PAK5: variants seen among roughly 807,000 people sequenced by gnomAD.
The protein encoded by PAK5 is serine/threonine-protein kinase PAK 5.
In PAK5, 16 loss-of-function variants were observed where a neutral mutation model predicts 65.9. That is an observed-to-expected ratio of 0.24 (90% CI 0.16 to 0.37). The LOEUF (loss-of-function observed/expected upper bound fraction) is 0.37, where lower values mean the gene tolerates loss of function less well. Among genes scored for constraint, PAK5 ranks in the 10% least tolerant of loss-of-function variants. The probability of loss-of-function intolerance (pLI) is 1.00; values close to 1 mark genes in which losing one functional copy is unlikely to be tolerated. For synonymous variants in PAK5, 371 were observed against 354.9 expected (o/e 1.05, Z -0.51); for missense variants, 785 against 903.9 (o/e 0.87, Z 1.69).
At chr20:9,827,802 C>CACA in intron 1 of PAK5, among the ~76,000 whole-genome samples, 1 of 151,738 alleles carries the variant, frequency 6.6e-6, no homozygotes, top group Non-Finnish European at 1.5e-5. Context: ...GGGGCACATG[C>CACA]AAAAAATGTT....
intron 1 of PAK5, among the ~76,000 whole-genome samples, chr20:9,786,256 G>C (rs2048991359): frequency 6.6e-6 from 1 of 152,004 alleles, no homozygotes; most frequent in African/African-American, 2.4e-5. Flanking sequence ...TTGAGTATTT[G>C]AGCTTTCAAG....
At position 9,538,107 on chromosome 20, in the gene PAK5, A is replaced by G. The variant is rs2045199358; in HGVS notation, c.*1355T>C. The G allele has an allele frequency of 4.3e-6, 1 of 233,310 alleles. No homozygotes were observed. The highest frequency in any genetic ancestry group is 8.5e-6 in the Non-Finnish European group (1 of 117,834). The allele number at this position is 233,310 out of a possible 1,614,324, so 14.5% of individuals were successfully genotyped here. A position where few individuals can be genotyped will look rare whatever the true frequency, so the allele number is the denominator to read the frequency against. ...AGCTCTTCCAGAGTTTTAAAGGCAA[A>G]TCTATATTGGCCTACAGTTAACATG... On this transcript the variant is annotated 3_prime_UTR_variant, in exon 10 of 10. Transcript: ENST00000353224.
At chr20:9,681,201 T>C (rs1332187727) in intron 2 of PAK5, among the ~76,000 whole-genome samples, 2 of 152,200 alleles carry the variant, frequency 1.3e-5, no homozygotes, top group East Asian at 3.8e-4. Context: ...TAAACTTAGC[T>C]GTATCGGCTT....
At chr20:9,553,080 C>T (rs146070949) in intron 7 of PAK5, among the ~76,000 whole-genome samples, 1 of 152,042 alleles carries the variant, frequency 6.6e-6, no homozygotes, top group Non-Finnish European at 1.5e-5. Context: ...AACGTGCACC[C>T]GTCTCTCCCT....
At chr20:9,579,921 G>A (rs751462019) in intron 4 of PAK5, among the ~76,000 whole-genome samples, 8 of 152,258 alleles carry the variant, frequency 5.3e-5, no homozygotes, top group African/African-American at 9.6e-5. Flanking sequence ...GAGAAACCAC[G>A]TAGGAGGGCC....
rs528771291 is a variant in PAK5 at position 9,659,991 on chromosome 20, A to G, written c.-11-15652T>C. On this transcript the variant is annotated intron_variant, in intron 2 of 9. Coordinates refer to ENST00000353224, the MANE Select transcript of PAK5 (RefSeq NM_177990.4). ...GGGCAAGAATGGGCTTGGTTTGTGC[A>G]GCCTAAGTCAGATGAACTGAGAGTC... Among the ~76,000 whole-genome samples, 5 of 152,324 alleles carry G rather than the reference A, an allele frequency of 3.3e-5. No individual in the cohort carries two copies. In the South Asian group the frequency reaches 1.0e-3, roughly 32 times the overall value.
intron 1 of PAK5, among the ~76,000 whole-genome samples, chr20:9,768,546 G>A (rs1339603445): frequency 6.6e-6 from 1 of 152,154 alleles, no homozygotes; most frequent in Non-Finnish European, 1.5e-5. Context: ...ACTTTGGGAG[G>A]CCAAGGTGGG....
chr20:9,823,482 T>C (rs1197817282), intron 1 of PAK5, among the ~76,000 whole-genome samples: 1 of 152,174 alleles, frequency 6.6e-6, no homozygotes, highest in Admixed American at 6.5e-5. Context: ...CCCCATACTG[T>C]TCTCTTGGTA....
At position 9,673,270 on chromosome 20, in the gene PAK5, G is replaced by GA. The variant is rs571087063; in HGVS notation, c.-11-28932dup. On this transcript the variant is annotated intron_variant, in intron 2 of 9. Transcript: ENST00000353224. ...GTTTATTATCATATTTACTGGAAAA[G>GA]AAAAAAAAAGAATTAAAAAAGAAAT... 1.3e-3 allele frequency among the ~76,000 whole-genome samples: 201 copies of GA among 150,364 alleles called. 6 individuals are homozygous for GA. The South Asian group carries it at 0.038, about 28-fold the overall frequency.
chr20:9,601,751 C>A (rs1393770910), intron 3 of PAK5, among the ~76,000 whole-genome samples: 3 of 152,028 alleles, frequency 2.0e-5, no homozygotes, highest in Non-Finnish European at 4.4e-5. Flanking sequence ...TCGACTGGTT[C>A]CTTGAGTCTT....
At chr20:9,551,755 TG>T in intron 7 of PAK5, among the ~76,000 whole-genome samples, 1 of 152,302 alleles carries the variant, frequency 6.6e-6, no homozygotes, top group Non-Finnish European at 1.5e-5. Flanking sequence ...CCTGAGAGCC[TG>T]TTAGAAATGC....
rs1211758822 is a variant in PAK5, at chr20:9,671,290, G to GT, written c.-11-26952dup. Among the ~76,000 whole-genome samples the GT allele has an allele frequency of 2.0e-5, 3 of 152,262 alleles. No individual in the cohort carries two copies. In the East Asian group the frequency reaches 5.8e-4, roughly 29 times the overall value. ...TTCATTCCATATGAACTTTAAAGTA[G>GT]TTTTTTCCAATTCTGTGAAGAAAGT... On this transcript the variant is annotated intron_variant, in intron 2 of 9. Transcript: ENST00000353224.
chr20:9,596,902 G>C (rs1044693770), intron 3 of PAK5, among the ~76,000 whole-genome samples: 1 of 152,154 alleles, frequency 6.6e-6, no homozygotes, highest in African/African-American at 2.4e-5. Context: ...GACTCCAAGG[G>C]AGCAGGTCTG....
In PAK5 at chr20:9,654,816, C is replaced by T. The variant is rs138997197; in HGVS notation, c.-11-10477G>A. Reference sequence around the variant, plus strand: ...GCCCCTCATCCCCTCTAACTTCTCCCTCCCCTGCCTGTCTCCACCCTCTCA... The same window carrying T: ...GCCCCTCATCCCCTCTAACTTCTCCTTCCCCTGCCTGTCTCCACCCTCTCA... On this transcript the variant is annotated intron_variant, in intron 2 of 9. Transcript: ENST00000353224. 3.1e-3 allele frequency among the ~76,000 whole-genome samples: 472 copies of T among 152,264 alleles called. 2 individuals are homozygous for T. The Middle Eastern group carries it at 0.041, about 13-fold the overall frequency.
chr20:9,817,726 C>T (rs1343909296), intron 1 of PAK5, among the ~76,000 whole-genome samples: 2 of 152,170 alleles, frequency 1.3e-5, no homozygotes, highest in African/African-American at 4.8e-5. Flanking sequence ...ATTTTCACAA[C>T]TAGTGGTCTG....
At chr20:9,631,816 A>C (rs557676414) in intron 3 of PAK5, among the ~76,000 whole-genome samples, 1 of 152,342 alleles carries the variant, frequency 6.6e-6, no homozygotes, top group African/African-American at 2.4e-5. Flanking sequence ...TACAGGTAAC[A>C]GTAGTAGCAT....
intron 1 of PAK5, among the ~76,000 whole-genome samples, chr20:9,775,379 C>G (rs2048877304): frequency 6.6e-6 from 1 of 152,182 alleles, no homozygotes; most frequent in Non-Finnish European, 1.5e-5. Flanking sequence ...TTTAGCAGTA[C>G]TGTTCATTCC....
At chr20:9,809,410 AAAAAAAT>A (rs2049272402) in intron 1 of PAK5, among the ~76,000 whole-genome samples, 1 of 140,288 alleles carries the variant, frequency 7.1e-6, no homozygotes, top group South Asian at 2.2e-4. Flanking sequence ...CTTGGTGTTT[AAAAAAAT>A]AAAAAGGAGA....
chr20:9,784,570 C>A (rs972669994), intron 1 of PAK5: 2 of 151,940 alleles, frequency 1.3e-5, no homozygotes, highest in Non-Finnish European at 2.9e-5. Flanking sequence ...GGACAAGAAG[C>A]CAAGATAGAA....
Sources: gnomAD v4.1 joint callset for allele counts (sites outside exome capture counted in the v4.1 genomes callset) on GRCh38, gnomAD v4.1.1 for gene constraint, MANE v1.5 for transcripts, NCBI Gene and HGNC (gene_info 2026-07-23, HGNC 2026-07-21) for gene names.